The following CLSTN2 variants were observed in gnomAD, a reference collection of about 807,000 sequenced individuals.
The protein encoded by CLSTN2 is calsyntenin-2.
CLSTN2 carries 48 observed loss-of-function variants against 101.2 expected under a neutral mutation model. The ratio of observed to expected loss-of-function variants is 0.47; its 90% CI spans 0.38 to 0.60. The LOEUF (loss-of-function observed/expected upper bound fraction) is 0.60. Among genes scored for constraint, CLSTN2 ranks in the 20% least tolerant of loss-of-function variants. The pLI is 0.00. For missense variants in CLSTN2, 1,160 were observed against 1,238.2 expected (o/e 0.94, Z 0.95); for synonymous variants, 481 against 463.6 (o/e 1.04, Z -0.48).
chr3:140,087,878 G>C (rs1215217710), intron 1 of CLSTN2, among the ~76,000 whole-genome samples: 12 of 152,140 alleles, frequency 7.9e-5, no homozygotes, highest in Admixed American at 5.9e-4. Flanking sequence ...GTAGTGTCTG[G>C]AAGGTGTGGG....
intron 2 of CLSTN2, among the ~76,000 whole-genome samples, chr3:140,185,790 G>A (rs560011803): frequency 6.6e-6 from 1 of 152,278 alleles, no homozygotes; most frequent in East Asian, 1.9e-4. Context: ...CAGAGGGAGG[G>A]GAGGACAGTG....
chr3:140,312,733 T>G (rs1387176820), intron 2 of CLSTN2, among the ~76,000 whole-genome samples: 4 of 152,190 alleles, frequency 2.6e-5, no homozygotes, highest in Non-Finnish European at 5.9e-5. Context: ...TTAATTTGAG[T>G]CAAGGAAAAA....
intron 2 of CLSTN2, among the ~76,000 whole-genome samples, chr3:140,229,698 C>T (rs1576475473): frequency 6.6e-6 from 1 of 152,176 alleles, no homozygotes; most frequent in African/African-American, 2.4e-5. Context: ...TAAAACCCTG[C>T]TCCCGCTCTC....
chr3:140,196,587 A>C (rs189277236), intron 2 of CLSTN2, among the ~76,000 whole-genome samples: 1 of 152,324 alleles, frequency 6.6e-6, no homozygotes, highest in East Asian at 1.9e-4. Flanking sequence ...TGAGATAATC[A>C]TTGCTGGCTC....
chr3:140,566,321 C>G lies in CLSTN2; in HGVS notation c.*68C>G. 2 of 1,417,402 alleles carry G rather than the reference C, an allele frequency of 1.4e-6. No homozygotes were observed. Among genetic ancestry groups the G allele is most frequent in the Non-Finnish European group, 1.9e-6 (2 of 1,028,316 alleles). The allele number at this position is 1,417,402 out of a possible 1,614,324, so 87.8% of individuals were successfully genotyped here. On this transcript the variant is annotated 3_prime_UTR_variant, in exon 17 of 17. Transcript: ENST00000458420. Reference sequence around the variant, plus strand: ...ACCCTGACCCAGTGTATGCCCATGTCTATCATACCTCACCTCTGATGTCTG... The same window carrying G: ...ACCCTGACCCAGTGTATGCCCATGTGTATCATACCTCACCTCTGATGTCTG...
Position 140,211,415 on chromosome 3 carries a change from C to CACACACACACACACAT in CLSTN2, c.232+35353_232+35354insCACATACACACACACA, listed in dbSNP as rs1037567882. ...TTGGTAATTCACACACACACACACA[C>CACACACACACACACAT]ACACACACACAGTATATATATATAT... is the stretch of plus-strand genomic sequence containing the variant. On this transcript the variant is annotated intron_variant, in intron 2 of 16. Coordinates refer to ENST00000458420, the MANE Select transcript of CLSTN2 (RefSeq NM_022131.3). 2.7e-5 allele frequency among the ~76,000 whole-genome samples: 4 copies of CACACACACACACACAT among 148,520 alleles called. No individual in the cohort carries two copies. In the East Asian group the frequency reaches 8.2e-4, roughly 30 times the overall value.
chr3:140,369,369 T>G (rs1259318656), intron 2 of CLSTN2, among the ~76,000 whole-genome samples: 1 of 152,198 alleles, frequency 6.6e-6, no homozygotes, highest in East Asian at 1.9e-4. Flanking sequence ...ACTTCATACT[T>G]GCATTTCATT....
intron 2 of CLSTN2, among the ~76,000 whole-genome samples, chr3:140,381,251 C>T (rs1267085665): frequency 6.6e-6 from 1 of 152,182 alleles, no homozygotes; most frequent in Non-Finnish European, 1.5e-5. Flanking sequence ...GTCCAAATTT[C>T]CCCTTTTGAT....
intron 1 of CLSTN2, among the ~76,000 whole-genome samples, chr3:140,127,622 T>G (rs1052546251): frequency 3.3e-5 from 5 of 152,156 alleles, no homozygotes; most frequent in African/African-American, 1.2e-4. Flanking sequence ...TCACAGCTCT[T>G]GGGCCCTTCC....
intron 2 of CLSTN2, among the ~76,000 whole-genome samples, chr3:140,226,148 C>T (rs2107856394): frequency 6.6e-6 from 1 of 151,676 alleles, no homozygotes; most frequent in South Asian, 2.1e-4. Context: ...TGCATGATTC[C>T]ATTTATATAA....
At chr3:140,157,168 TTG>T (rs1450030111) in intron 1 of CLSTN2, among the ~76,000 whole-genome samples, 4 of 151,892 alleles carry the variant, frequency 2.6e-5, no homozygotes, top group Non-Finnish European at 2.9e-5. Flanking sequence ...TTGAGGATTT[TTG>T]TGTCTGTTTA....
intron 1 of CLSTN2, among the ~76,000 whole-genome samples, chr3:140,121,257 T>G (rs1560101226): frequency 6.6e-6 from 1 of 152,004 alleles, no homozygotes; most frequent in East Asian, 1.9e-4. Context: ...CAGCCCAGAG[T>G]GTACCACGGG....
intron 1 of CLSTN2, among the ~76,000 whole-genome samples, chr3:140,112,309 T>C (rs1216960108): frequency 6.6e-6 from 1 of 152,134 alleles, no homozygotes; most frequent in Non-Finnish European, 1.5e-5. Flanking sequence ...TCTGAAATTG[T>C]AGATGAAATG....
intron 2 of CLSTN2, among the ~76,000 whole-genome samples, chr3:140,296,729 A>G (rs1470449164): frequency 6.6e-6 from 1 of 152,228 alleles, no homozygotes; most frequent in Admixed American, 6.5e-5. Flanking sequence ...GGCTCCGACC[A>G]TCTGTCCCTT....
chr3:140,155,178 T>A (rs373609198), intron 1 of CLSTN2, among the ~76,000 whole-genome samples: 14 of 151,770 alleles, frequency 9.2e-5, no homozygotes, highest in East Asian at 7.7e-4. Context: ...ATGATTAGAG[T>A]GAATGGATAG....
intron 2 of CLSTN2, among the ~76,000 whole-genome samples, chr3:140,200,973 C>G (rs912962777): frequency 1.3e-5 from 2 of 152,168 alleles, no homozygotes; most frequent in African/African-American, 4.8e-5. Context: ...TAGGAGTCTC[C>G]TCTCCCAAAG....
In CLSTN2 at chr3:140,295,691, A is replaced by G. The variant is rs143874834; in HGVS notation, c.233-107938A>G. 8.8e-3 allele frequency among the ~76,000 whole-genome samples: 1,344 copies of G among 152,344 alleles called. 20 individuals are homozygous for G. The highest frequency in any genetic ancestry group is 0.031 in the African/African-American group (1,276 of 41,574). ...ACTTAGAGATAAGTACAAATACATTATAAGTATAAATGCTCAGAAATAATA... is the reference window on the plus strand; with the variant it reads ...ACTTAGAGATAAGTACAAATACATTGTAAGTATAAATGCTCAGAAATAATA... On this transcript the variant is annotated intron_variant, in intron 2 of 16. Coordinates refer to ENST00000458420, the MANE Select transcript of CLSTN2 (RefSeq NM_022131.3).
At chr3:140,411,743 A>G (rs979189989) in intron 4 of CLSTN2, among the ~76,000 whole-genome samples, 7 of 152,230 alleles carry the variant, frequency 4.6e-5, no homozygotes, top group Non-Finnish European at 1.0e-4. Context: ...AAGCTCAGAC[A>G]AAAGAACATC....
chr3:140,127,692 G>A (rs1048303971), intron 1 of CLSTN2, among the ~76,000 whole-genome samples: 17 of 152,094 alleles, frequency 1.1e-4, no homozygotes, highest in Non-Finnish European at 2.4e-4. Flanking sequence ...AGACAGCCAG[G>A]CTCATCTCAA....
Sources: gnomAD v4.1 joint callset for allele counts (sites outside exome capture counted in the v4.1 genomes callset) on GRCh38, gnomAD v4.1.1 for gene constraint, MANE v1.5 for transcripts, NCBI Gene and HGNC (gene_info 2026-07-23, HGNC 2026-07-21) for gene names.